The following UBA2 variants were observed in gnomAD, a reference collection of about 807,000 sequenced individuals.
UBA2 encodes SUMO-activating enzyme subunit 2.
Under a neutral mutation model 77.2 loss-of-function variants are expected in UBA2, and 11 were observed. The ratio of observed to expected loss-of-function variants is 0.14; its 90% CI spans 0.09 to 0.24. The LOEUF (loss-of-function observed/expected upper bound fraction) is 0.24. Ranked by LOEUF, UBA2 falls within the 10% of genes least tolerant of loss-of-function variation. The pLI is 1.00. For missense variants in UBA2, 487 were observed against 781.7 expected (o/e 0.62, Z 4.50); for synonymous variants, 278 against 276.7 (o/e 1.00, Z -0.05).
At chr19:34,441,437 A>G (rs2075367931) in intron 6 of UBA2, among the ~76,000 whole-genome samples, 1 of 152,134 alleles carries the variant, frequency 6.6e-6, no homozygotes, top group Non-Finnish European at 1.5e-5. Context: ...CCTGGGCGAC[A>G]GAGCGATACT....
At chr19:34,446,001 C>A (rs188579382) in intron 8 of UBA2, among the ~76,000 whole-genome samples, 1 of 151,980 alleles carries the variant, frequency 6.6e-6, no homozygotes. Context: ...GCAAGTTGTA[C>A]GTGTGTGGGG....
rs370610578 is a variant in UBA2, at chr19:34,443,928, G to A, written c.649+17G>A. On this transcript the variant is annotated intron_variant, in intron 7 of 16. Coordinates refer to ENST00000246548, the MANE Select transcript of UBA2 (RefSeq NM_005499.3). ...AAGCTGCCTGTGAGTAAATTATTTG[G>A]CATATGTTTTATCAGATACTATTAT... is the stretch of plus-strand genomic sequence containing the variant. 1.6e-5 allele frequency: 25 copies of A among 1,573,124 alleles called. No individual in the cohort carries two copies. Among genetic ancestry groups the A allele is most frequent in the Non-Finnish European group, 1.7e-5 (20 of 1,144,078 alleles).
chr19:34,468,974 T>C (rs2075713580), intron 16 of UBA2, 66 bp from the exon 17 acceptor site: 8 of 1,369,970 alleles, frequency 5.8e-6, no homozygotes, highest in Non-Finnish European at 7.8e-6. Flanking sequence ...TTATAGAAAA[T>C]ACAGGTGAGC....
chr19:34,455,272 A>C (rs1663416738), intron 12 of UBA2, among the ~76,000 whole-genome samples: 1 of 152,130 alleles, frequency 6.6e-6, no homozygotes, highest in Admixed American at 6.5e-5. Flanking sequence ...CTCCCCCTCC[A>C]CTAAGCACCA....
At chr19:34,443,441 C>CTTT (rs35696396) in intron 6 of UBA2, among the ~76,000 whole-genome samples, 2,005 of 132,190 alleles carry the variant, frequency 0.015, 49 homozygotes, top group African/African-American at 0.024. Flanking sequence ...CCGTTATTCA[C>CTTT]TTTTTTTTTT....
At chr19:34,456,821 G>A (rs2075567604) in intron 12 of UBA2, among the ~76,000 whole-genome samples, 2 of 152,050 alleles carry the variant, frequency 1.3e-5, no homozygotes, top group African/African-American at 2.4e-5. Context: ...GCCTCCCAAA[G>A]TGCTAGAATT....
At position 34,460,451 on chromosome 19, in the gene UBA2, CTTTT is replaced by C. The variant is rs78898896; in HGVS notation, c.1402-8_1402-5del. 3.3e-5 allele frequency: 41 copies of C among 1,241,312 alleles called. No homozygotes were observed. The highest frequency in any genetic ancestry group is 5.7e-5 in the South Asian group (4 of 70,060). The allele number at this position is 1,241,312 out of a possible 1,614,324, so 76.9% of individuals were successfully genotyped here. A position where few individuals can be genotyped will look rare whatever the true frequency, so the allele number is the denominator to read the frequency against. ...ATTACCTACGTTAATATTTTGAATC[CTTTT>C]TTTTTTTTTTGTAGATAGTGAAAGA... On this transcript the variant is annotated splice_polypyrimidine_tract_variant and intron_variant, in intron 13 of 16. Coordinates refer to ENST00000246548, the MANE Select transcript of UBA2 (RefSeq NM_005499.3).
At chr19:34,452,708 A>G (rs899156712) in intron 10 of UBA2, among the ~76,000 whole-genome samples, 4 of 152,308 alleles carry the variant, frequency 2.6e-5, no homozygotes, top group Admixed American at 6.5e-5. Flanking sequence ...AGTATTTTCT[A>G]TGGCTAAAAG....
chr19:34,440,405 G>A (rs1218126328), intron 6 of UBA2, among the ~76,000 whole-genome samples: 3 of 151,944 alleles, frequency 2.0e-5, no homozygotes, highest in East Asian at 1.9e-4. Context: ...ATAATGCACC[G>A]AACCTATGTT....
At position 34,469,218 on chromosome 19, in the gene UBA2, T is replaced by C; in HGVS notation, c.1920T>C (p.Asp640=). ...KEELDDVIAL[D] is the part of the protein sequence containing the mutation. Reference sequence around the variant, plus strand: ...AGCTTGATGATGTCATAGCATTAGATTGAACAGAAATGCCTCTAAACAGAA... The same window carrying C: ...AGCTTGATGATGTCATAGCATTAGACTGAACAGAAATGCCTCTAAACAGAA... The change falls in exon 17 of 17, where the codon GAT becomes GAC. Residue 640 remains aspartate (D), a synonymous_variant. Coordinates refer to ENST00000246548, the MANE Select transcript of UBA2 (RefSeq NM_005499.3). The C allele has an allele frequency of 6.3e-7, 1 of 1,580,996 alleles. No individual in the cohort carries two copies. The highest frequency in any genetic ancestry group is 1.2e-5 in the South Asian group (1 of 85,310).
chr19:34,437,883 C>T (rs764019019), intron 5 of UBA2, among the ~76,000 whole-genome samples: 5 of 152,014 alleles, frequency 3.3e-5, no homozygotes, highest in Admixed American at 6.6e-5. Context: ...GGAAAAACCC[C>T]GTCTCTACTA....
At chr19:34,437,304 C>T (rs1224310616) in intron 5 of UBA2, among the ~76,000 whole-genome samples, 2 of 150,944 alleles carry the variant, frequency 1.3e-5, no homozygotes, top group Non-Finnish European at 1.5e-5. Flanking sequence ...TTCTGACACA[C>T]CACTGTGTAT....
At chr19:34,444,813 CAAGA>C (rs1194649630) in intron 7 of UBA2, among the ~76,000 whole-genome samples, 183 bp from the exon 8 acceptor site, 3 of 152,230 alleles carry the variant, frequency 2.0e-5, no homozygotes, top group African/African-American at 7.2e-5. Context: ...TCTCCAAAAA[CAAGA>C]AAGAAAGAAA....
chr19:34,431,774 A>T, intron 2 of UBA2, 87 bp from the exon 3 acceptor site: 1 of 1,141,264 alleles, frequency 8.8e-7, no homozygotes. Context: ...GTACTATGTA[A>T]GTAGATAACA....
At chr19:34,436,600 A>G (rs1045460968) in intron 5 of UBA2, among the ~76,000 whole-genome samples, 2 of 152,226 alleles carry the variant, frequency 1.3e-5, no homozygotes, top group East Asian at 1.9e-4. Context: ...TGCCTGGCAC[A>G]TATCTCAGTT....
At chr19:34,430,762 T>A (rs539385048) in intron 2 of UBA2, 103 bp downstream of exon 2, 1 of 816,800 alleles carries the variant, frequency 1.2e-6, no homozygotes, top group Non-Finnish European at 2.0e-6. Flanking sequence ...TGGGTGAAGC[T>A]CTCATTTCAG....
At chr19:34,451,807 A>C (rs2075502069) in intron 9 of UBA2, among the ~76,000 whole-genome samples, 174 bp from the exon 10 acceptor site, 1 of 152,004 alleles carries the variant, frequency 6.6e-6, no homozygotes, top group Non-Finnish European at 1.5e-5. Context: ...CGGCCTCCCA[A>C]AGTGCTGGGA....
chr19:34,438,856 C>G, intron 6 of UBA2, 90 bp downstream of exon 6: 3 of 1,501,650 alleles, frequency 2.0e-6, no homozygotes, highest in African/African-American at 1.4e-5. Flanking sequence ...AGATTGAACT[C>G]AGGATGTTTA....
chr19:34,459,328 A>G (rs1414559905), intron 13 of UBA2, among the ~76,000 whole-genome samples: 3 of 152,178 alleles, frequency 2.0e-5, no homozygotes, highest in Non-Finnish European at 4.4e-5. Flanking sequence ...CAGTAGAGCA[A>G]AGCCCCAGTT....
Sources: allele counts gnomAD v4.1 joint callset (sites outside exome capture counted in the v4.1 genomes callset), GRCh38; gene constraint gnomAD v4.1.1; transcripts MANE v1.5; gene names NCBI Gene and HGNC (gene_info 2026-07-23, HGNC 2026-07-21).